The following AGL variants were observed in gnomAD, a reference collection of about 807,000 sequenced individuals.
AGL encodes amylo-alpha-1,6-glucosidase and 4-alpha-glucanotransferase.
In AGL, 128 loss-of-function variants were observed where a neutral mutation model predicts 199.3. The observed-to-expected ratio is 0.64, with a 90% CI of 0.56 to 0.74. AGL has a LOEUF of 0.74. Ranked by LOEUF, AGL falls within the 30% of genes least tolerant of loss-of-function variation. AGL has a pLI of 0.00. For synonymous variants in AGL, 584 were observed against 594.7 expected, an observed-to-expected ratio of 0.98 and a Z score of 0.26; for missense variants, 1,809 against 1,820.8, an observed-to-expected ratio of 0.99 and a Z score of 0.12.
Position 99,923,848 on chromosome 1 carries a change from A to G in AGL, c.*2197A>G, listed in dbSNP as rs1336843912. ...ATTTACCAGTTTAGTATGCTGTGGT[A>G]TTTTAATAAGTTTTCAAAGATAATT... On this transcript the variant is annotated 3_prime_UTR_variant, in exon 34 of 34. Coordinates refer to ENST00000361915, the MANE Select transcript of AGL (RefSeq NM_000642.3). The G allele has an allele frequency of 6.6e-6, 1 of 152,144 alleles. No homozygotes were observed. The highest frequency in any genetic ancestry group is 2.4e-5 in the African/African-American group (1 of 41,438). 9.4% of individuals were successfully genotyped at this position (152,144 alleles called of 1,614,324 possible).
At chr1:99,887,932 C>T (rs761024895) in intron 20 of AGL, 46 bp from the exon 21 acceptor site, 7 of 1,606,610 alleles carry the variant, frequency 4.4e-6, no homozygotes, top group Non-Finnish European at 4.3e-6. Context: ...CTATTGACAA[C>T]AAGCGAAACT....
chr1:99,889,325 CAAT>C (rs1360250323), intron 21 of AGL, among the ~76,000 whole-genome samples: 4 of 152,166 alleles, frequency 2.6e-5, no homozygotes, highest in Admixed American at 2.6e-4. Context: ...AAGCGGTTCT[CAAT>C]AAACTTTTTT....
intron 5 of AGL, among the ~76,000 whole-genome samples, chr1:99,869,933 A>G (rs970953599): frequency 9.2e-5 from 14 of 152,180 alleles, no homozygotes; most frequent in Non-Finnish European, 1.8e-4. Flanking sequence ...GGGTTGAGCT[A>G]CCGTGCCTGG....
chr1:99,850,841 A>ACATT, intron 1 of AGL, 134 bp from the exon 2 acceptor site: 1 of 609,774 alleles, frequency 1.6e-6, no homozygotes, highest in South Asian at 2.0e-5. Flanking sequence ...GAATCTTAAT[A>ACATT]GTTATAAGAT....
chr1:99,883,416 TAG>T (rs1287680125), intron 17 of AGL, among the ~76,000 whole-genome samples: 1 of 152,142 alleles, frequency 6.6e-6, no homozygotes, highest in Non-Finnish European at 1.5e-5. Flanking sequence ...TTATTTATAA[TAG>T]AGAAAAATTA....
At chr1:99,900,890 G>GTTTTT in intron 26 of AGL, 29 bp downstream of exon 26, 5 of 1,307,064 alleles carry the variant, frequency 3.8e-6, no homozygotes, top group African/African-American at 1.6e-5. Flanking sequence ...ATGTTTTTTT[G>GTTTTT]TTTTTTTTTT....
In AGL at chr1:99,882,869, G is replaced by A. The variant is rs567234973; in HGVS notation, c.2308+1178G>A. Among the ~76,000 whole-genome samples the A allele has an allele frequency of 1.2e-4, 19 of 152,044 alleles. 1 individual carries two copies. The South Asian group carries it at 3.1e-3, about 25-fold the overall frequency. ...CTAGTTGCTGAATATGCATAGTTCC[G>A]GTTTTTAAAAATTATCAACCTGAAT... On this transcript the variant is annotated intron_variant, in intron 17 of 33. Coordinates refer to ENST00000361915, the MANE Select transcript of AGL (RefSeq NM_000642.3).
Position 99,916,712 on chromosome 1 carries a change from C to T in AGL, c.4462C>T (p.His1488Tyr), listed in dbSNP as rs374651629. ...TTTGGTTAAAAATGTTCTTTCCCGA[C>T]ATTATGTTCATCTTGAGAGGTAAGT... ...IVLVKNVLSR[H>Y]YVHLERSPWK... Residue 1488 changes from histidine (H) to tyrosine (Y), a missense_variant, in exon 33 of 34, where the codon CAT becomes TAT. Physicochemically the swap from His to Tyr is moderately conservative, Grantham distance 83. Coordinates refer to ENST00000361915, the MANE Select transcript of AGL (RefSeq NM_000642.3). 1.4e-5 allele frequency: 22 copies of T among 1,613,032 alleles called. No individual in the cohort carries two copies. In the African/African-American group the frequency reaches 2.5e-4, roughly 19 times the overall value.
intron 20 of AGL, among the ~76,000 whole-genome samples, chr1:99,886,105 C>T (rs527887881): frequency 3.9e-5 from 6 of 152,194 alleles, no homozygotes; most frequent in East Asian, 1.9e-4. Context: ...ATTATTATAA[C>T]GTAGTGTTTA....
chr1:99,913,793 A>G, intron 30 of AGL, 55 bp downstream of exon 30: 1 of 1,523,870 alleles, frequency 6.6e-7, no homozygotes, highest in Non-Finnish European at 9.1e-7. Flanking sequence ...GAGTTTGCTT[A>G]GTTCCTTATT....
rs1423796611 is a variant in AGL at position 99,900,550 on chromosome 1, A to G, written c.3363-86A>G. ...GGGCAAGAGAGAAAACGCATTCAAAATATAGTCACCAAAAGTGACTGGTTT... is the reference window on the plus strand; with the variant it reads ...GGGCAAGAGAGAAAACGCATTCAAAGTATAGTCACCAAAAGTGACTGGTTT... On this transcript the variant is annotated intron_variant, in intron 25 of 33. Transcript: ENST00000361915. 85 of 1,256,824 alleles carry G rather than the reference A, an allele frequency of 6.8e-5. 1 individual carries two copies. The South Asian group carries it at 1.0e-3, about 15-fold the overall frequency. 77.9% of individuals were successfully genotyped at this position (1,256,824 alleles called of 1,614,324 possible).
chr1:99,885,571 C>T (rs1025587198), intron 20 of AGL, among the ~76,000 whole-genome samples: 2 of 152,058 alleles, frequency 1.3e-5, no homozygotes, highest in Admixed American at 1.3e-4. Context: ...ACAGCTGCAC[C>T]CCATCACTCG....
At chr1:99,886,914 C>A (rs903125) in intron 20 of AGL, among the ~76,000 whole-genome samples, 20,665 of 152,150 alleles carry the variant, frequency 0.14, 1,502 homozygotes, top group Middle Eastern at 0.18. Flanking sequence ...CTCCTCAGAC[C>A]TGCTCAGATT....
intron 20 of AGL, among the ~76,000 whole-genome samples, chr1:99,886,015 A>G (rs1410315016): frequency 6.6e-6 from 1 of 152,190 alleles, no homozygotes; most frequent in Non-Finnish European, 1.5e-5. Flanking sequence ...CATACTGCCA[A>G]ATTTTCTCCA....
intron 28 of AGL, among the ~76,000 whole-genome samples, chr1:99,911,349 T>A (rs560337247): frequency 1.3e-5 from 2 of 152,362 alleles, no homozygotes; most frequent in South Asian, 4.1e-4. Context: ...CTTTTAATAT[T>A]ACTATCACCC....
chr1:99,883,126 A>G (rs562680251), intron 17 of AGL, among the ~76,000 whole-genome samples: 1 of 152,238 alleles, frequency 6.6e-6, no homozygotes, highest in Non-Finnish European at 1.5e-5. Context: ...TAAATATTCT[A>G]TAGTATGTTT....
chr1:99,854,154 A>C (rs948818459), intron 2 of AGL, among the ~76,000 whole-genome samples: 9 of 152,166 alleles, frequency 5.9e-5, no homozygotes, highest in Non-Finnish European at 1.3e-4. Flanking sequence ...AGATCACACC[A>C]TTGCACTCCA....
At chr1:99,867,222 A>C (rs1438459806) in intron 5 of AGL, among the ~76,000 whole-genome samples, 1 of 152,214 alleles carries the variant, frequency 6.6e-6, no homozygotes, top group Non-Finnish European at 1.5e-5. Flanking sequence ...TAACTGGTGA[A>C]AATTATTTTA....
In AGL at chr1:99,851,008, T is replaced by A; in HGVS notation, c.-35T>A. 6.4e-7 allele frequency: 1 copy of A among 1,551,186 alleles called. No homozygotes were observed. The highest frequency in any genetic ancestry group is 2.2e-5 in the East Asian group (1 of 44,538). ...CATTCGACTGTGGAGTTCTTTTAAT[T>A]CTTATGAAAGATTTCAAATCCTCTA... On this transcript the variant is annotated 5_prime_UTR_variant, in exon 2 of 34. Coordinates refer to ENST00000361915, the MANE Select transcript of AGL (RefSeq NM_000642.3).
Sources: gnomAD v4.1 joint callset for allele counts (sites outside exome capture counted in the v4.1 genomes callset) on GRCh38, gnomAD v4.1.1 for gene constraint, MANE v1.5 for transcripts, NCBI Gene and HGNC (gene_info 2026-07-23, HGNC 2026-07-21) for gene names.